The following LINC00632 variants were observed in gnomAD, a reference collection of about 807,000 sequenced individuals.
The protein encoded by LINC00632 is long independently transcribed non-coding RNA 632.
chrX:140,773,752 A>G (rs1418566247), exon 4 of LINC00632, among the ~76,000 whole-genome samples: 2 of 112,056 alleles, frequency 1.8e-5, no homozygotes, highest in African/African-American at 6.5e-5. Flanking sequence ...TGTTCAAGTC[A>G]TCTCCATTAC....
intron 3 of LINC00632, among the ~76,000 whole-genome samples, chrX:140,762,326 G>T (rs141552454): frequency 8.3e-4 from 92 of 110,589 alleles, no homozygotes; most frequent in African/African-American, 2.9e-3. Context: ...ACCACAGCAG[G>T]ATTTTGGTTT....
intron 3 of LINC00632, among the ~76,000 whole-genome samples, chrX:140,758,933 C>T: frequency 9.6e-6 from 1 of 103,956 alleles, no homozygotes; most frequent in East Asian, 3.1e-4. Flanking sequence ...CAGCTTCTTT[C>T]ATTTATTTTA....
At chrX:140,764,889 AC>A (rs1388370121) in intron 3 of LINC00632, among the ~76,000 whole-genome samples, 1 of 110,021 alleles carries the variant, frequency 9.1e-6, no homozygotes, top group Non-Finnish European at 1.9e-5. Flanking sequence ...GCTATCTTTT[AC>A]CCCTTCGGTA....
chrX:140,757,496 G>A (rs906900827), intron 3 of LINC00632, among the ~76,000 whole-genome samples: 2 of 111,200 alleles, frequency 1.8e-5, no homozygotes, highest in Non-Finnish European at 3.8e-5. Context: ...ATAAACGGAG[G>A]GACACCAAAG....
exon 5 of LINC00632, among the ~76,000 whole-genome samples, chrX:140,788,690 A>G (rs1932054661): frequency 9.2e-6 from 1 of 108,116 alleles, no homozygotes; most frequent in Non-Finnish European, 1.9e-5. Flanking sequence ...AGTGAAAAGA[A>G]AAGTGTTGAT....
intron 2 of LINC00632, among the ~76,000 whole-genome samples, chrX:140,715,600 AAAAGAAAG>A (rs199659440): frequency 3.7e-5 from 4 of 106,699 alleles, no homozygotes; most frequent in East Asian, 3.0e-4. Flanking sequence ...GTCTAAAAAA[AAAAGAAAG>A]AAAGAAAGAA....
Position 140,768,239 on chromosome X carries a change from G to A in LINC00632, n.192-3839G>A, listed in dbSNP as rs1031134747. ...TGTTGTAAGGCCAAAATATGATCAG[G>A]TTGTAAAGGGTTTGCCACATACTGA... On this transcript the variant is annotated intron_variant and non_coding_transcript_variant, in intron 3 of 4. Coordinates refer to ENST00000648200, the Ensembl canonical transcript of LINC00632. Among the ~76,000 whole-genome samples the A allele has an allele frequency of 2.7e-5, 3 of 110,664 alleles. No homozygotes were observed. In the Admixed American group the frequency reaches 3.0e-4, roughly 11 times the overall value.
chrX:140,734,564 C>G (rs192463944), intron 3 of LINC00632, among the ~76,000 whole-genome samples: 111 of 109,493 alleles, frequency 1.0e-3, no homozygotes, highest in Middle Eastern at 9.4e-3. Flanking sequence ...TTTAAAGGCC[C>G]CTTATTCGTC....
chrX:140,744,567 TGGG>T (rs373766988), intron 3 of LINC00632, among the ~76,000 whole-genome samples: 6 of 18,219 alleles, frequency 3.3e-4, no homozygotes, highest in Non-Finnish European at 6.3e-4. Flanking sequence ...AGCTTTTTTT[TGGG>T]GGGGGGGGTG....
chrX:140,716,699 AAC>A (rs1311329744), intron 2 of LINC00632, among the ~76,000 whole-genome samples: 1 of 108,399 alleles, frequency 9.2e-6, no homozygotes, highest in Admixed American at 1.0e-4. Context: ...CTTGCTCTAT[AAC>A]ACATCCCACA....
At chrX:140,746,940 A>G (rs909765263) in intron 3 of LINC00632, among the ~76,000 whole-genome samples, 1 of 111,770 alleles carries the variant, frequency 8.9e-6, no homozygotes, top group Non-Finnish European at 1.9e-5. Context: ...CTCACTCCAA[A>G]GCCAGTTTCA....
chrX:140,781,859 G>T (rs1253649994), exon 5 of LINC00632, among the ~76,000 whole-genome samples: 1 of 111,563 alleles, frequency 9.0e-6, no homozygotes, highest in Non-Finnish European at 1.9e-5. Flanking sequence ...TTGAGTAGTT[G>T]CAACAGAGAC....
At chrX:140,740,857 T>C (rs1436826823) in intron 3 of LINC00632, among the ~76,000 whole-genome samples, 1 of 112,259 alleles carries the variant, frequency 8.9e-6, no homozygotes, top group Non-Finnish European at 1.9e-5. Flanking sequence ...CAGTGAACAA[T>C]TAACTGAAGA....
At chrX:140,711,046 A>G (rs750052725) in intron 1 of LINC00632, among the ~76,000 whole-genome samples, 1 of 111,715 alleles carries the variant, frequency 9.0e-6, no homozygotes, top group South Asian at 3.8e-4. Flanking sequence ...AAATAATGCT[A>G]TAATCTTTCT....
At chrX:140,711,781 T>C (rs1366918816) in intron 2 of LINC00632, 1 of 146,839 alleles carries the variant, frequency 6.8e-6, no homozygotes, top group Non-Finnish European at 1.5e-5. Context: ...TGGTGGTGAT[T>C]TTTTGATATT....
intron 3 of LINC00632, among the ~76,000 whole-genome samples, chrX:140,755,648 T>G (rs780935939): frequency 1.5e-3 from 173 of 112,298 alleles, no homozygotes; most frequent in African/African-American, 5.4e-3. Flanking sequence ...AGTATATGCT[T>G]ACAGAATTGC....
At chrX:140,760,355 G>C (rs1180436255) in intron 3 of LINC00632, among the ~76,000 whole-genome samples, 1 of 112,138 alleles carries the variant, frequency 8.9e-6, no homozygotes, top group African/African-American at 3.2e-5. Flanking sequence ...AGGTGAGTGT[G>C]TTTACTTCTA....
At chrX:140,785,901 T>A (rs1000303469) in exon 5 of LINC00632, among the ~76,000 whole-genome samples, 1 of 111,747 alleles carries the variant, frequency 8.9e-6, no homozygotes, top group African/African-American at 3.3e-5. Flanking sequence ...AGCATCTACC[T>A]GCTTCAAATA....
intron 2 of LINC00632, among the ~76,000 whole-genome samples, chrX:140,712,426 T>TA (rs1556018888): frequency 1.1e-5 from 1 of 93,583 alleles, no homozygotes; most frequent in African/African-American, 3.9e-5. Flanking sequence ...TTTTTTTTTT[T>TA]ACTCTTCAGA....
Sources: gnomAD v4.1 joint callset for allele counts (sites outside exome capture counted in the v4.1 genomes callset) on GRCh38, gnomAD v4.1.1 for gene constraint, MANE v1.5 for transcripts, NCBI Gene and HGNC (gene_info 2026-07-23, HGNC 2026-07-21) for gene names.